KCNJ16: variants seen among roughly 807,000 people sequenced by gnomAD.
KCNJ16 encodes the protein potassium inwardly rectifying channel subfamily J member 16, also known as inward rectifier potassium channel 16.
In KCNJ16, 15 loss-of-function variants were observed where a neutral mutation model predicts 18.5. The observed-to-expected ratio is 0.81, with a 90% confidence interval of 0.54 to 1.25. The LOEUF (loss-of-function observed/expected upper bound fraction) is 1.25. Ranked by LOEUF, KCNJ16 falls within the 50% of genes most tolerant of loss-of-function variation. The pLI is 0.00. For synonymous variants in KCNJ16, 174 were observed against 186.5 expected, an observed-to-expected ratio of 0.93 and a Z score of 0.55; for missense variants, 523 against 525.7, an observed-to-expected ratio of 0.99 and a Z score of 0.05.
At chr17:70,096,809 T>A (rs1180232324) in intron 1 of KCNJ16, 1 of 392,936 alleles carries the variant, frequency 2.5e-6, no homozygotes, top group Non-Finnish European at 4.5e-6. Context: ...CTCAACAGCT[T>A]CTACTGGTAA....
chr17:70,093,501 G>A (rs1003892255), intron 1 of KCNJ16, among the ~76,000 whole-genome samples: 1 of 152,098 alleles, frequency 6.6e-6, no homozygotes, highest in African/African-American at 2.4e-5. Flanking sequence ...ATCATAACTT[G>A]ATTACATCTG....
intron 2 of KCNJ16, among the ~76,000 whole-genome samples, chr17:70,111,098 T>C (rs2073166599): frequency 6.6e-6 from 1 of 152,144 alleles, no homozygotes; most frequent in Admixed American, 6.6e-5. Context: ...TCCTCAATTC[T>C]AGAAAACATG....
Position 70,130,986 on chromosome 17 carries a change from C to T in KCNJ16, c.-94+11C>T, listed in dbSNP as rs74894337. ...TGGATGCTAAAAATGGTAAGAGCTGCATGTTCTGCCTTGATGTTTTCAAGA... is the reference window on the plus strand; with the variant it reads ...TGGATGCTAAAAATGGTAAGAGCTGTATGTTCTGCCTTGATGTTTTCAAGA... On this transcript the variant is annotated intron_variant, in intron 3 of 3. Coordinates refer to ENST00000392671, the MANE Select transcript of KCNJ16 (RefSeq NM_170741.4). 2.4e-4 allele frequency: 372 copies of T among 1,534,882 alleles called. 1 individual carries two copies. In the African/African-American group the frequency reaches 4.5e-3, roughly 18 times the overall value.
chr17:70,102,508 G>A (rs959394085), intron 2 of KCNJ16, among the ~76,000 whole-genome samples: 2 of 151,984 alleles, frequency 1.3e-5, no homozygotes, highest in African/African-American at 2.4e-5. Context: ...TTACAGGCGT[G>A]AGCCACCGCT....
intron 2 of KCNJ16, among the ~76,000 whole-genome samples, chr17:70,116,704 GCTCA>G (rs542021912): frequency 8.5e-5 from 13 of 152,228 alleles, no homozygotes; most frequent in Admixed American, 5.2e-4. Flanking sequence ...ATGAAAAAAT[GCTCA>G]CTATCACTAA....
rs1365481450 is a variant in KCNJ16, at chr17:70,133,243, C to A, written c.1156C>A (p.Pro386Thr). 2 of 1,614,108 alleles carry A rather than the reference C, an allele frequency of 1.2e-6. No individual in the cohort carries two copies. The highest frequency in any genetic ancestry group is 1.7e-6 in the Non-Finnish European group (2 of 1,180,006). Residue 386 changes from proline (P) to threonine (T), a missense_variant, in exon 4 of 4, where the codon CCT (proline) becomes ACT (threonine). Physicochemically the swap from Pro to Thr is conservative, Grantham distance 38. Coordinates refer to ENST00000392671, the MANE Select transcript of KCNJ16 (RefSeq NM_170741.4). ...TGCCATTGTCAGCAGCTGTGAAAAC[C>A]CTGAGGAGACCACCACTTCCGCCAC... The part of the protein sequence containing the change: ...AVAIVSSCEN[P>T]EETTTSATHE...
intron 1 of KCNJ16, among the ~76,000 whole-genome samples, chr17:70,081,608 T>TC (rs2071555289): frequency 6.6e-6 from 1 of 152,128 alleles, no homozygotes. Flanking sequence ...TCTGCACTAT[T>TC]GTGTCAGCTC....
intron 2 of KCNJ16, chr17:70,108,151 C>G (rs1198828303): frequency 6.6e-6 from 1 of 152,204 alleles, no homozygotes; most frequent in African/African-American, 2.4e-5. Context: ...GGGTGTGAAC[C>G]AATTGCAGCC....
intron 1 of KCNJ16, among the ~76,000 whole-genome samples, chr17:70,083,595 T>C (rs1005997109): frequency 1.3e-5 from 2 of 152,148 alleles, no homozygotes; most frequent in Admixed American, 1.3e-4. Flanking sequence ...AGTAATAGGC[T>C]ATACCATACA....
intron 2 of KCNJ16, among the ~76,000 whole-genome samples, chr17:70,124,353 A>G (rs1323763074): frequency 2.0e-5 from 3 of 152,164 alleles, no homozygotes; most frequent in Non-Finnish European, 2.9e-5. Flanking sequence ...CGCCTCTCCA[A>G]TGTAAACTGC....
intron 1 of KCNJ16, among the ~76,000 whole-genome samples, chr17:70,084,930 T>C (rs1271098297): frequency 6.6e-6 from 1 of 152,210 alleles, no homozygotes; most frequent in African/African-American, 2.4e-5. Context: ...TTTTGTTCTA[T>C]TTCTTTCTTA....
At chr17:70,118,387 A>T (rs1263828544) in intron 2 of KCNJ16, among the ~76,000 whole-genome samples, 1 of 152,184 alleles carries the variant, frequency 6.6e-6, no homozygotes, top group Non-Finnish European at 1.5e-5. Flanking sequence ...CTGCACATGT[A>T]TCCAAGAACT....
intron 2 of KCNJ16, among the ~76,000 whole-genome samples, chr17:70,119,810 T>C (rs1301246603): frequency 2.6e-5 from 4 of 152,214 alleles, no homozygotes; most frequent in Non-Finnish European, 5.9e-5. Flanking sequence ...CCTTTTCCCA[T>C]TGTGCTGGAT....
chr17:70,096,425 A>T (rs2190606), intron 1 of KCNJ16, among the ~76,000 whole-genome samples: 129,136 of 152,132 alleles, frequency 0.85, 54,882 homozygotes, highest in East Asian at 0.96. Flanking sequence ...CTTTTATTCA[A>T]CTTGTAAGCA....
chr17:70,123,207 C>T (rs895020987), intron 2 of KCNJ16, among the ~76,000 whole-genome samples: 1 of 152,148 alleles, frequency 6.6e-6, no homozygotes, highest in Non-Finnish European at 1.5e-5. Flanking sequence ...TCCCTCATTT[C>T]AACCCATGCC....
In KCNJ16 at chr17:70,095,870, CTTTTTTTT is replaced by C. The variant is rs147216245; in HGVS notation, c.-299-4765_-299-4758del. Reference sequence around the variant, plus strand: ...ATTTGGCATTTTATATTACTTAATCCTTTTTTTTTTTTTTTTTTTTTTTTTTTTTTGAG... The same window carrying C: ...ATTTGGCATTTTATATTACTTAATCCTTTTTTTTTTTTTTTTTTTTTTGAG... On this transcript the variant is annotated intron_variant, in intron 1 of 3. Coordinates refer to ENST00000392671, the MANE Select transcript of KCNJ16 (RefSeq NM_170741.4). 1.8e-3 allele frequency among the ~76,000 whole-genome samples: 171 copies of C among 95,394 alleles called. 3 individuals are homozygous for C. The highest frequency in any genetic ancestry group is 2.7e-3 in the Non-Finnish European group (138 of 51,106). 62.6% of individuals were successfully genotyped at this position (95,394 alleles called of 152,430 possible). A position where few individuals can be genotyped will look rare whatever the true frequency, so the allele number is the denominator to read the frequency against.
At chr17:70,084,324 TGATA>T (rs1197156410) in intron 1 of KCNJ16, among the ~76,000 whole-genome samples, 2 of 152,088 alleles carry the variant, frequency 1.3e-5, no homozygotes, top group Non-Finnish European at 2.9e-5. Flanking sequence ...AAAAAACAAG[TGATA>T]GAGACATTGT....
At chr17:70,111,425 C>T (rs574449824) in intron 2 of KCNJ16, among the ~76,000 whole-genome samples, 251 of 152,220 alleles carry the variant, frequency 1.6e-3, no homozygotes, top group African/African-American at 5.8e-3. Flanking sequence ...TGATTAGCAT[C>T]ATAGATTGTC....
chr17:70,123,095 G>A (rs1262037825), intron 2 of KCNJ16, among the ~76,000 whole-genome samples: 1 of 152,074 alleles, frequency 6.6e-6, no homozygotes, highest in Admixed American at 6.6e-5. Context: ...CAATGCCCTT[G>A]GTTCAGATAT....
Sources: allele counts gnomAD v4.1 joint callset (sites outside exome capture counted in the v4.1 genomes callset), GRCh38; gene constraint gnomAD v4.1.1; transcripts MANE v1.5; gene names NCBI Gene and HGNC (gene_info 2026-07-23, HGNC 2026-07-21).